Variants in MADD observed in about 807,000 individuals in gnomAD.
MADD encodes the protein MAP kinase activating death domain.
In MADD, 109 loss-of-function variants were observed where a neutral mutation model predicts 176.7. That is an observed-to-expected ratio of 0.62 (90% CI 0.53 to 0.72). MADD has a LOEUF of 0.72. MADD is among the 30% of genes least tolerant of loss of function. The pLI is 0.00. For missense variants in MADD, 1,914 were observed against 2,045.5 expected (o/e 0.94, Z 1.24); for synonymous variants, 771 against 771.3 (o/e 1.00, Z 0.01).
intron 1 of MADD, among the ~76,000 whole-genome samples, chr11:47,272,534 G>A (rs954933638): frequency 9.2e-5 from 14 of 152,132 alleles, no homozygotes; most frequent in Non-Finnish European, 1.8e-4. Context: ...AAGGTCTTAG[G>A]CCGCATGTAG....
chr11:47,280,909 C>T (rs2056021726), intron 7 of MADD, among the ~76,000 whole-genome samples: 1 of 152,234 alleles, frequency 6.6e-6, no homozygotes, highest in Non-Finnish European at 1.5e-5. Context: ...GATCCTTGGA[C>T]TCATTGATCC....
rs371806452 is a variant in MADD, at chr11:47,276,154, T to G, written c.915T>G (p.Gly305=). 140 of 1,614,014 alleles carry G rather than the reference T, an allele frequency of 8.7e-5. No individual in the cohort carries two copies. In the South Asian group the frequency reaches 1.5e-3, roughly 17 times the overall value. Residue 305 remains glycine (G), a synonymous_variant, in exon 4 of 33, where the codon GGT becomes GGG. Transcript: ENST00000402192. ...TGCACCTTCCCTTGGAACTTCTAGGTGTGGACGCCTGTCTCCAGGTGCTAA... is the reference window on the plus strand; with the variant it reads ...TGCACCTTCCCTTGGAACTTCTAGGGGTGGACGCCTGTCTCCAGGTGCTAA...
At chr11:47,311,766 G>C in exon 26 of MADD, 1 of 1,613,768 alleles carries the variant, frequency 6.2e-7, no homozygotes, top group Non-Finnish European at 8.5e-7. Flanking sequence ...AAGGTGAGGC[G>C]CCTAATGGGA....
chr11:47,288,371 G>A (rs761610421), intron 15 of MADD, among the ~76,000 whole-genome samples: 8 of 152,178 alleles, frequency 5.3e-5, no homozygotes, highest in Non-Finnish European at 1.2e-4. Flanking sequence ...TGGATAAATG[G>A]GCAAAAGGAC....
At chr11:47,269,415 A>G (rs961816265), upstream of MADD, 1 of 152,420 alleles carries the variant, frequency 6.6e-6, no homozygotes, top group African/African-American at 2.4e-5. Flanking sequence ...CCTCACGTGC[A>G]TGTGTAGCAT....
rs534881282 is a variant in MADD, at chr11:47,326,581, C to T, written c.4543-157C>T. 1.5e-5 allele frequency: 21 copies of T among 1,428,016 alleles called. No homozygotes were observed. In the South Asian group the frequency reaches 3.1e-4, roughly 21 times the overall value. 88.5% of individuals were successfully genotyped at this position (1,428,016 alleles called of 1,614,324 possible). A position where few individuals can be genotyped will look rare whatever the true frequency, so the allele number is the denominator to read the frequency against. On this transcript the variant is annotated intron_variant, in intron 30 of 32. Transcript: ENST00000402192. ...CATGCCCTTTCTGCTATCTTCGCTT[C>T]TTAGCGCTTTTGAGTTGTGTGCGTG... is the stretch of plus-strand genomic sequence containing the variant.
intron 10 of MADD, among the ~76,000 whole-genome samples, chr11:47,283,340 G>A (rs941462842): frequency 2.6e-5 from 4 of 152,136 alleles, no homozygotes; most frequent in East Asian, 1.9e-4. Flanking sequence ...TGATCTGCCC[G>A]CCTCGGCCTC....
At chr11:47,289,980 T>C (rs1425147625) in exon 17 of MADD, 8 of 1,613,778 alleles carry the variant, frequency 5.0e-6, no homozygotes, top group Non-Finnish European at 5.9e-6. Flanking sequence ...CAGCTGCGAG[T>C]CTTTGTCCTG....
At chr11:47,279,078 A>G in exon 7 of MADD, 1 of 1,613,776 alleles carries the variant, frequency 6.2e-7, no homozygotes, top group South Asian at 1.1e-5. Flanking sequence ...CATTTAAAGC[A>G]GGTAGGTGAA....
intron 19 of MADD, among the ~76,000 whole-genome samples, chr11:47,291,649 A>G (rs1206015783): frequency 6.6e-6 from 1 of 151,668 alleles, no homozygotes; most frequent in East Asian, 1.9e-4. Context: ...GTAGCAGTCA[A>G]CTCCTGGCTT....
chr11:47,288,821 C>G (rs2062830527), intron 15 of MADD, 147 bp from the exon 16 acceptor site: 2 of 631,102 alleles, frequency 3.2e-6, no homozygotes. Context: ...CACTTGGCTT[C>G]CAGCTCTGAG....
At chr11:47,329,078 C>T (rs914151564) in exon 33 of MADD, 5 of 1,614,090 alleles carry the variant, frequency 3.1e-6, no homozygotes, top group Non-Finnish European at 4.2e-6. Context: ...TATTATGTCT[C>T]TTCTCGTACG....
chr11:47,305,330 G>C (rs2081756474), intron 22 of MADD, among the ~76,000 whole-genome samples: 1 of 152,100 alleles, frequency 6.6e-6, no homozygotes, highest in African/African-American at 2.4e-5. Context: ...TTTGCTCTCT[G>C]TGGCAAGGTT....
Position 47,273,960 on chromosome 11 carries a change from G to T in MADD, c.46G>T (p.Val16Leu), listed in dbSNP as rs773860940. 2.5e-5 allele frequency: 41 copies of T among 1,613,968 alleles called. No individual in the cohort carries two copies. The Admixed American group carries it at 4.8e-4, about 19-fold the overall frequency. The change falls in exon 2 of 33, where the codon GTG becomes TTG. Residue 16 changes from valine (V) to leucine (L), a missense_variant. Coordinates refer to ENST00000402192, the Ensembl canonical transcript of MADD. Reference sequence around the variant, plus strand: ...CTGTCCTCGGTTACTTGACTATCTAGTGATCGTAGGGGCCAGGTAACCAAG... The same window carrying T: ...CTGTCCTCGGTTACTTGACTATCTATTGATCGTAGGGGCCAGGTAACCAAG...
chr11:47,284,977 G>A (rs1019395820), exon 13 of MADD: 1 of 1,613,842 alleles, frequency 6.2e-7, no homozygotes, highest in African/African-American at 1.3e-5. Context: ...TGATAAGGCA[G>A]CAGTAGGCGT....
rs550369120 is a variant in MADD, at chr11:47,295,523, G to A, written c.3430G>A (p.Val1144Met). 31 of 1,614,032 alleles carry A rather than the reference G, an allele frequency of 1.9e-5. No homozygotes were observed. The South Asian group carries it at 3.0e-4, about 15-fold the overall frequency. Residue 1144 changes from valine to methionine, a missense_variant, in exon 21 of 33, where the codon GTG (valine) becomes ATG (methionine). By Grantham distance (21) the Val-to-Met change is conservative. This residue lies in a region of MADD where 1,767 missense variants were observed against 1,836.0 expected (regional missense o/e 0.96). Transcript: ENST00000402192. ...GACTGATCAAGACTCTGTCATCGGC[G>A]TGAGTCCAGCTGTTATGATCCGCAG...
intron 19 of MADD, 30 bp downstream of exon 21, chr11:47,292,626 A>C (rs1244700247): frequency 3.7e-6 from 6 of 1,612,376 alleles, no homozygotes; most frequent in Non-Finnish European, 5.1e-6. Context: ...TCCTGTTCCC[A>C]AGTCCTCCAT....
chr11:47,322,505 G>A (rs1318166459), intron 27 of MADD, among the ~76,000 whole-genome samples: 9 of 152,216 alleles, frequency 5.9e-5, no homozygotes, highest in Non-Finnish European at 1.0e-4. Context: ...CCAGCTACTC[G>A]AGAGGCTGAG....
exon 27 of MADD, chr11:47,315,228 C>T (rs772631734): frequency 1.3e-5 from 21 of 1,609,350 alleles, no homozygotes; most frequent in South Asian, 1.2e-4. Context: ...AGAATGGACG[C>T]GATCTCTCTA....
Sources: allele counts gnomAD v4.1 joint callset (sites outside exome capture counted in the v4.1 genomes callset), GRCh38; gene constraint gnomAD v4.1.1; regional missense constraint gnomAD v4.1.1; transcripts MANE v1.5; gene names NCBI Gene and HGNC (gene_info 2026-07-23, HGNC 2026-07-21).